The following RELCH variants were observed in gnomAD, a reference collection of about 807,000 sequenced individuals.
RELCH encodes RAB11-binding protein RELCH.
Under a neutral mutation model 150.3 loss-of-function variants are expected in RELCH, and 41 were observed. The ratio of observed to expected loss-of-function variants is 0.27; its 90% CI spans 0.21 to 0.35. The LOEUF (loss-of-function observed/expected upper bound fraction) is 0.35, where lower values mean the gene tolerates loss of function less well. Ranked by LOEUF, RELCH falls within the 10% of genes least tolerant of loss-of-function variation. The pLI, the probability that RELCH is intolerant of heterozygous loss-of-function variation, is 1.00. For missense variants in RELCH, 1,092 were observed against 1,467.8 expected (o/e 0.74, Z 4.18); for synonymous variants, 478 against 531.8 (o/e 0.90, Z 1.39).
intron 10 of RELCH, among the ~76,000 whole-genome samples, chr18:62,241,352 A>G (rs2042140146): frequency 6.6e-6 from 1 of 152,136 alleles, no homozygotes; most frequent in African/African-American, 2.4e-5. Flanking sequence ...GTAGTGTGCT[A>G]TGATCACGCC....
chr18:62,244,720 C>T, intron 10 of RELCH, 44 bp from the exon 11 acceptor site: 1 of 1,206,876 alleles, frequency 8.3e-7, no homozygotes, highest in Non-Finnish European at 1.2e-6. Context: ...GAATATTCTG[C>T]AATGTGTTTT....
chr18:62,282,914 TC>T (rs1407693980), intron 25 of RELCH, among the ~76,000 whole-genome samples: 1 of 152,174 alleles, frequency 6.6e-6, no homozygotes, highest in Admixed American at 6.5e-5. Flanking sequence ...TGCCTCAGCC[TC>T]CCAAAGTGTT....
intron 1 of RELCH, among the ~76,000 whole-genome samples, chr18:62,195,947 C>T (rs564566733): frequency 1.3e-5 from 2 of 152,288 alleles, no homozygotes; most frequent in African/African-American, 2.4e-5. Context: ...CCGCCCGCCT[C>T]GGCCTCCCAA....
rs1366610743 is a variant in RELCH, at chr18:62,309,599, T to G, written c.*4065T>G. 6.6e-6 allele frequency: 1 copy of G among 152,262 alleles called. No homozygotes were observed. Among genetic ancestry groups the G allele is most frequent in the African/African-American group, 2.4e-5 (1 of 41,470 alleles). 9.4% of individuals were successfully genotyped at this position (152,262 alleles called of 1,614,324 possible). A position where few individuals can be genotyped will look rare whatever the true frequency, so the allele number is the denominator to read the frequency against. The stretch of plus-strand genomic sequence containing the variant: ...GCATCAAAAACAAATATATTTTATT[T>G]TGATAGTATATAAATAATATCTTCA... On this transcript the variant is annotated 3_prime_UTR_variant, in exon 29 of 29. Coordinates refer to ENST00000644646, the MANE Select transcript of RELCH (RefSeq NM_001346231.2).
rs575032835 is a variant in RELCH at position 62,208,478 on chromosome 18, C to T, written c.527-2675C>T. ...ACAAAAACGTCATAGCTCAGAAGAACGCAAATTTATTACCTCATGGTTCTT... is the reference window on the plus strand; with the variant it reads ...ACAAAAACGTCATAGCTCAGAAGAATGCAAATTTATTACCTCATGGTTCTT... On this transcript the variant is annotated intron_variant, in intron 1 of 28. Transcript: ENST00000644646. Among the ~76,000 whole-genome samples, 197 of 152,078 alleles carry T rather than the reference C, an allele frequency of 1.3e-3. 2 individuals are homozygous for T. Among genetic ancestry groups the T allele is most frequent in the South Asian group, 8.1e-3 (39 of 4,816 alleles).
At chr18:62,297,213 C>T (rs2045452452) in intron 27 of RELCH, among the ~76,000 whole-genome samples, 1 of 152,088 alleles carries the variant, frequency 6.6e-6, no homozygotes, top group African/African-American at 2.4e-5. Flanking sequence ...GATGGGACAC[C>T]TCATTACCCT....
intron 1 of RELCH, among the ~76,000 whole-genome samples, chr18:62,188,390 A>C (rs1482391076): frequency 3.3e-5 from 5 of 152,214 alleles, no homozygotes; most frequent in Non-Finnish European, 7.3e-5. Flanking sequence ...CCTGAATCAC[A>C]CTACCAGGAA....
intron 18 of RELCH, among the ~76,000 whole-genome samples, chr18:62,265,870 CT>C (rs2043533852): frequency 6.6e-6 from 1 of 151,904 alleles, no homozygotes; most frequent in Non-Finnish European, 1.5e-5. Context: ...ATTAATGTGC[CT>C]CACCTACAGA....
chr18:62,207,776 C>G (rs2039903767), intron 1 of RELCH, among the ~76,000 whole-genome samples: 1 of 152,206 alleles, frequency 6.6e-6, no homozygotes, highest in Non-Finnish European at 1.5e-5. Flanking sequence ...AATTCCAGAA[C>G]ATTTTTATCA....
chr18:62,271,328 T>C (rs2043889226), intron 20 of RELCH, among the ~76,000 whole-genome samples: 1 of 152,238 alleles, frequency 6.6e-6, no homozygotes, highest in Non-Finnish European at 1.5e-5. Context: ...TGATTTGCAC[T>C]TCTCTGATGG....
intron 27 of RELCH, among the ~76,000 whole-genome samples, chr18:62,293,854 C>T (rs2045276888): frequency 6.6e-6 from 1 of 152,040 alleles, no homozygotes; most frequent in African/African-American, 2.4e-5. Flanking sequence ...AACACTTGCC[C>T]AGAATTTTAT....
At chr18:62,279,466 A>T (rs769833344) in intron 22 of RELCH, among the ~76,000 whole-genome samples, 3 of 152,188 alleles carry the variant, frequency 2.0e-5, no homozygotes, top group African/African-American at 4.8e-5. Flanking sequence ...CTAAAAAAGT[A>T]TTCTTTTCAG....
At chr18:62,225,880 C>A (rs1300557817) in intron 5 of RELCH, among the ~76,000 whole-genome samples, 1 of 151,398 alleles carries the variant, frequency 6.6e-6, no homozygotes, top group Non-Finnish European at 1.5e-5. Flanking sequence ...TTTAATTTAT[C>A]CTTACAAAAA....
In RELCH at chr18:62,309,003, G is replaced by C. The variant is rs2045946878; in HGVS notation, c.*3469G>C. On this transcript the variant is annotated 3_prime_UTR_variant, in exon 29 of 29. Coordinates refer to ENST00000644646, the MANE Select transcript of RELCH (RefSeq NM_001346231.2). ...GCCTGTAATACCAGCACTTTGGGAGGCTGAGGCGGGAAGATCACTTGAGGC... is the reference window on the plus strand; with the variant it reads ...GCCTGTAATACCAGCACTTTGGGAGCCTGAGGCGGGAAGATCACTTGAGGC... The C allele has an allele frequency of 6.6e-6, 1 of 152,132 alleles. No individual in the cohort carries two copies. Among genetic ancestry groups the C allele is most frequent in the South Asian group, 2.1e-4 (1 of 4,818 alleles). The allele number at this position is 152,132 out of a possible 1,614,324, so 9.4% of individuals were successfully genotyped here.
chr18:62,249,209 G>T (rs553768825), intron 11 of RELCH, among the ~76,000 whole-genome samples: 1 of 152,140 alleles, frequency 6.6e-6, no homozygotes, highest in South Asian at 2.1e-4. Flanking sequence ...TCATAAATAA[G>T]AATGAACTAT....
At position 62,255,491 on chromosome 18, in the gene RELCH, T is replaced by C. The variant is rs2042949727; in HGVS notation, c.1896+13T>C. The C allele has an allele frequency of 1.9e-6, 3 of 1,543,266 alleles. No individual in the cohort carries two copies. Among genetic ancestry groups the C allele is most frequent in the Non-Finnish European group, 8.8e-7 (1 of 1,141,740 alleles). On this transcript the variant is annotated intron_variant, in intron 13 of 28. Coordinates refer to ENST00000644646, the MANE Select transcript of RELCH (RefSeq NM_001346231.2). ...ACCTTACCTTCCTGTAAGATTGTCT[T>C]TTTTTTTTTCTTTAAACTATTTTTC...
intron 1 of RELCH, among the ~76,000 whole-genome samples, chr18:62,190,519 G>A (rs2038550307): frequency 6.6e-6 from 1 of 152,054 alleles, no homozygotes; most frequent in Non-Finnish European, 1.5e-5. Context: ...AGAGGTTACA[G>A]TGAGCCGAGA....
chr18:62,287,765 CAGAA>C, intron 26 of RELCH, among the ~76,000 whole-genome samples: 1 of 152,146 alleles, frequency 6.6e-6, no homozygotes, highest in East Asian at 1.9e-4. Context: ...AAATAAAGGG[CAGAA>C]AGAATTACAG....
At chr18:62,231,960 G>A (rs960487241) in intron 9 of RELCH, among the ~76,000 whole-genome samples, 1 of 152,002 alleles carries the variant, frequency 6.6e-6, no homozygotes, top group East Asian at 1.9e-4. Context: ...TATCACTGTA[G>A]CTAATGGTAG....
Sources: allele counts gnomAD v4.1 joint callset (sites outside exome capture counted in the v4.1 genomes callset), GRCh38; gene constraint gnomAD v4.1.1; transcripts MANE v1.5; gene names NCBI Gene and HGNC (gene_info 2026-07-23, HGNC 2026-07-21).